Variants in OSCP1 observed in about 807,000 individuals in gnomAD.
OSCP1 encodes protein OSCP1.
OSCP1 carries 35 observed loss-of-function variants against 45.1 expected under a neutral mutation model. The observed-to-expected ratio is 0.78, with a 90% CI of 0.59 to 1.03. The LOEUF (loss-of-function observed/expected upper bound fraction) is 1.03, where lower values mean the gene tolerates loss of function less well. Among genes scored for constraint, OSCP1 ranks in the 50% least tolerant of loss-of-function variants. The pLI, the probability that OSCP1 is intolerant of heterozygous loss-of-function variation, is 0.00. For missense variants in OSCP1, 400 were observed against 470.7 expected (o/e 0.85, Z 1.39); for synonymous variants, 179 against 180.1 (o/e 0.99, Z 0.05).
intron 4 of OSCP1, 68 bp from the exon 5 acceptor site, chr1:36,423,534 G>A (rs1272535500): frequency 1.6e-6 from 2 of 1,265,278 alleles, no homozygotes; most frequent in Non-Finnish European, 2.3e-6. Context: ...TTCTGAGGGT[G>A]GAAAGTGCGT....
At chr1:36,432,712 G>A (rs1648456314) in intron 2 of OSCP1, 123 bp from the exon 3 acceptor site, 3 of 1,110,090 alleles carry the variant, frequency 2.7e-6, no homozygotes, top group South Asian at 1.3e-5. Context: ...TACAGCTCGG[G>A]GGACCATATC....
chr1:36,432,350 T>A, intron 3 of OSCP1, 72 bp downstream of exon 3: 1 of 1,520,460 alleles, frequency 6.6e-7, no homozygotes. Flanking sequence ...CTGTCATAGA[T>A]CTACCTGTTC....
chr1:36,435,069 C>CCTTTT (rs1240699775), intron 2 of OSCP1, among the ~76,000 whole-genome samples: 23 of 149,988 alleles, frequency 1.5e-4, no homozygotes, highest in Non-Finnish European at 3.1e-4. Context: ...ATTTAAACTT[C>CCTTTT]CTTTTCTTTT....
At chr1:36,425,669 G>T (rs531542350) in intron 4 of OSCP1, among the ~76,000 whole-genome samples, 1 of 151,534 alleles carries the variant, frequency 6.6e-6, no homozygotes, top group Non-Finnish European at 1.5e-5. Flanking sequence ...GGAGGTGGAG[G>T]TTGCATTGAG....
intron 1 of OSCP1, chr1:36,440,893 T>C (rs996106429): frequency 6.6e-6 from 1 of 152,168 alleles, no homozygotes; most frequent in Non-Finnish European, 1.5e-5. Flanking sequence ...GGTTAATGCT[T>C]ACAAAGGGCT....
intron 2 of OSCP1, 80 bp from the exon 3 acceptor site, chr1:36,432,669 A>AT: frequency 6.3e-7 from 1 of 1,577,088 alleles, no homozygotes; most frequent in Non-Finnish European, 8.7e-7. Flanking sequence ...GATTCAGTCA[A>AT]GCATTTACTG....
At chr1:36,437,849 T>C (rs974928489) in intron 2 of OSCP1, among the ~76,000 whole-genome samples, 7 of 152,084 alleles carry the variant, frequency 4.6e-5, no homozygotes, top group African/African-American at 2.4e-5. Flanking sequence ...TTAAGGCATG[T>C]ATTCCTGGGG....
At position 36,450,245 on chromosome 1, in the gene OSCP1, G is replaced by C; in HGVS notation, c.112+13C>G. 6.2e-7 allele frequency: 1 copy of C among 1,605,914 alleles called. No individual in the cohort carries two copies. The highest frequency in any genetic ancestry group is 8.5e-7 in the Non-Finnish European group (1 of 1,173,220). ...GGCTGCGGGTCTGGCTGAGCGGGCCGGGGGCCTCTCACCTTTGCGGGCCTT... is the reference window on the plus strand; with the variant it reads ...GGCTGCGGGTCTGGCTGAGCGGGCCCGGGGCCTCTCACCTTTGCGGGCCTT... On this transcript the variant is annotated intron_variant, in intron 1 of 9. Transcript: ENST00000235532.
intron 7 of OSCP1, among the ~76,000 whole-genome samples, chr1:36,421,563 C>T (rs1647616668): frequency 6.6e-6 from 1 of 152,218 alleles, no homozygotes; most frequent in African/African-American, 2.4e-5. Flanking sequence ...GTTTCTTTCA[C>T]CGTCTTTCCC....
intron 7 of OSCP1, among the ~76,000 whole-genome samples, chr1:36,421,850 T>TCA (rs1292365963): frequency 6.6e-6 from 1 of 152,200 alleles, no homozygotes; most frequent in Non-Finnish European, 1.5e-5. Context: ...AGTGCTGATG[T>TCA]CAGCAATCAC....
chr1:36,440,101 GTTA>G (rs1468487133), intron 1 of OSCP1, among the ~76,000 whole-genome samples: 8 of 152,174 alleles, frequency 5.3e-5, no homozygotes. Context: ...AACATGAGTG[GTTA>G]TTATTGAAAT....
intron 1 of OSCP1, among the ~76,000 whole-genome samples, chr1:36,446,009 G>A (rs947279535): frequency 6.6e-6 from 1 of 150,852 alleles, no homozygotes; most frequent in Admixed American, 6.6e-5. Context: ...CATCACACCC[G>A]GCCTGGCATT....
intron 4 of OSCP1, among the ~76,000 whole-genome samples, chr1:36,426,285 T>C (rs1647958960): frequency 1.3e-5 from 2 of 152,244 alleles, no homozygotes; most frequent in African/African-American, 2.4e-5. Flanking sequence ...GGCCTGAGAC[T>C]CTGCCAGTGG....
chr1:36,444,004 C>G (rs1365153015), intron 1 of OSCP1: 3 of 1,613,602 alleles, frequency 1.9e-6, no homozygotes, highest in Non-Finnish European at 2.5e-6. Context: ...GATAGCATAC[C>G]TCGTTTTCTG....
chr1:36,449,617 G>A (rs1363164685), intron 1 of OSCP1, among the ~76,000 whole-genome samples: 1 of 151,758 alleles, frequency 6.6e-6, no homozygotes, highest in Non-Finnish European at 1.5e-5. Flanking sequence ...GGGGCAGATC[G>A]TTTGAGTCCA....
In OSCP1 at chr1:36,422,780, A is replaced by T; in HGVS notation, c.737T>A (p.Leu246Gln). 2 of 1,589,882 alleles carry T rather than the reference A, an allele frequency of 1.3e-6. No homozygotes were observed. The highest frequency in any genetic ancestry group is 1.7e-6 in the Non-Finnish European group (2 of 1,166,468). ...FELYGDRVLK[L>Q]GTNMYSVNQP... is the part of the protein sequence containing the mutation. Reference sequence around the variant, plus strand: ...AGAATTTGCTTACATGTTAGTTCCCAGTTTCAGGACTCGGTCTCCATAAAG... The same window carrying T: ...AGAATTTGCTTACATGTTAGTTCCCTGTTTCAGGACTCGGTCTCCATAAAG... The change falls in exon 6 of 10, where the codon CTG (leucine) becomes CAG (glutamine). Residue 246 changes from leucine to glutamine, a missense_variant. Coordinates refer to ENST00000235532, the MANE Select transcript of OSCP1 (RefSeq NM_145047.5).
chr1:36,427,942 C>T (rs1402172173), intron 4 of OSCP1, among the ~76,000 whole-genome samples: 3 of 151,938 alleles, frequency 2.0e-5, no homozygotes, highest in Non-Finnish European at 4.4e-5. Context: ...AATTCCAGCA[C>T]TTTGGGAGGC....
chr1:36,423,180 C>G (rs952542262), intron 5 of OSCP1, among the ~76,000 whole-genome samples, 183 bp downstream of exon 5: 1 of 152,164 alleles, frequency 6.6e-6, no homozygotes, highest in Admixed American at 6.5e-5. Context: ...TAACTTGCCT[C>G]AAGTCCCTCT....
At chr1:36,432,710 G>T in intron 2 of OSCP1, 121 bp from the exon 3 acceptor site, 1 of 1,122,748 alleles carries the variant, frequency 8.9e-7, no homozygotes, top group South Asian at 1.3e-5. Flanking sequence ...CATACAGCTC[G>T]GGGGACCATA....
Sources: gnomAD v4.1 joint callset for allele counts (sites outside exome capture counted in the v4.1 genomes callset) on GRCh38, gnomAD v4.1.1 for gene constraint, MANE v1.5 for transcripts, NCBI Gene and HGNC (gene_info 2026-07-23, HGNC 2026-07-21) for gene names.